CDK5RAP2: variants seen among roughly 807,000 people sequenced by gnomAD.
CDK5RAP2 encodes the protein CDK5 regulatory subunit associated protein 2.
Under a neutral mutation model 232.9 loss-of-function variants are expected in CDK5RAP2, and 147 were observed. That is an observed-to-expected ratio of 0.63 (90% CI 0.55 to 0.72). CDK5RAP2 has a LOEUF of 0.72. Among genes scored for constraint, CDK5RAP2 ranks in the 30% least tolerant of loss-of-function variants. The pLI, the probability that CDK5RAP2 is intolerant of heterozygous loss-of-function variation, is 0.00. For synonymous variants in CDK5RAP2, 833 were observed against 833.7 expected, an observed-to-expected ratio of 1.00 and a Z score of 0.01; for missense variants, 2,195 against 2,231.5, an observed-to-expected ratio of 0.98 and a Z score of 0.33.
intron 25 of CDK5RAP2, among the ~76,000 whole-genome samples, chr9:120,424,145 T>C (rs1443395556): frequency 2.0e-5 from 3 of 152,190 alleles, no homozygotes; most frequent in African/African-American, 7.2e-5. Context: ...AGCAAAGAAG[T>C]GGAAATCCAG....
chr9:120,522,949 TCACA>T (rs1378351635), intron 11 of CDK5RAP2, among the ~76,000 whole-genome samples: 2 of 152,340 alleles, frequency 1.3e-5, no homozygotes, highest in Admixed American at 6.5e-5. Context: ...GTGCATTTAC[TCACA>T]CACAATCAGA....
At chr9:120,439,336 C>T (rs1399195313) in intron 24 of CDK5RAP2, 63 bp downstream of exon 24, 26 of 1,343,638 alleles carry the variant, frequency 1.9e-5, no homozygotes, top group Non-Finnish European at 2.7e-5. Context: ...CATGGGCTCC[C>T]ACCTAGTGGC....
intron 12 of CDK5RAP2, among the ~76,000 whole-genome samples, chr9:120,507,080 A>G (rs2039851156): frequency 6.6e-6 from 1 of 152,200 alleles, no homozygotes; most frequent in African/African-American, 2.4e-5. Flanking sequence ...GTCAGCAGCC[A>G]TTAACATTGA....
intron 5 of CDK5RAP2, among the ~76,000 whole-genome samples, chr9:120,543,361 C>T (rs752671371): frequency 2.0e-5 from 3 of 152,224 alleles, no homozygotes; most frequent in Non-Finnish European, 4.4e-5. Context: ...AAACCCACAA[C>T]TGCTTTCCAT....
intron 35 of CDK5RAP2, among the ~76,000 whole-genome samples, chr9:120,397,294 C>A (rs970993743): frequency 1.3e-5 from 2 of 152,162 alleles, no homozygotes; most frequent in African/African-American, 2.4e-5. Context: ...GCCATACTTA[C>A]CTCTACTACA....
chr9:120,390,703 G>T (rs573390199), intron 36 of CDK5RAP2, among the ~76,000 whole-genome samples: 18 of 152,148 alleles, frequency 1.2e-4, no homozygotes, highest in Admixed American at 3.3e-4. Flanking sequence ...CCCCACGTTG[G>T]AAATACCAAA....
chr9:120,551,776 G>A (rs1251962822), intron 3 of CDK5RAP2, among the ~76,000 whole-genome samples: 2 of 152,244 alleles, frequency 1.3e-5, no homozygotes, highest in East Asian at 3.9e-4. Flanking sequence ...GATACCCGGG[G>A]AAACTTGAAT....
chr9:120,529,090 G>A (rs919255882), intron 8 of CDK5RAP2, among the ~76,000 whole-genome samples: 27 of 152,214 alleles, frequency 1.8e-4, no homozygotes, highest in African/African-American at 6.3e-4. Context: ...GGCGGAAGTG[G>A]GCAAGAGAGT....
At chr9:120,412,546 A>C (rs1369195209) in intron 28 of CDK5RAP2, among the ~76,000 whole-genome samples, 3 of 152,200 alleles carry the variant, frequency 2.0e-5, no homozygotes, top group African/African-American at 7.2e-5. Context: ...GCTGTCTGAG[A>C]GACTGGAATG....
chr9:120,439,559 G>A lies in CDK5RAP2; in HGVS notation c.3562C>T (p.Pro1188Ser), dbSNP rs1055288198. 9.3e-6 allele frequency: 15 copies of A among 1,614,104 alleles called. No individual in the cohort carries two copies. The highest frequency in any genetic ancestry group is 1.7e-5 in the Admixed American group (1 of 60,006). The change falls in exon 24 of 38, where the codon CCG becomes TCG. Residue 1188 changes from proline (P) to serine (S), a missense_variant. Coordinates refer to ENST00000349780, the MANE Select transcript of CDK5RAP2 (RefSeq NM_018249.6). ...CTGTCAATCATCTCTGGGGCCAGCGGACCGAGGATTTTCACGTGTTTCACG... is the reference window on the plus strand; with the variant it reads ...CTGTCAATCATCTCTGGGGCCAGCGAACCGAGGATTTTCACGTGTTTCACG... ...RYVKHVKILG[P>S]LAPEMIDSRV...
chr9:120,549,071 G>C (rs1452670519), intron 4 of CDK5RAP2, among the ~76,000 whole-genome samples: 1 of 151,706 alleles, frequency 6.6e-6, no homozygotes, highest in Non-Finnish European at 1.5e-5. Context: ...GACAGGAATT[G>C]CTTGAACCTG....
chr9:120,497,551 G>A (rs2039368497), intron 12 of CDK5RAP2, among the ~76,000 whole-genome samples: 1 of 149,114 alleles, frequency 6.7e-6, no homozygotes, highest in Non-Finnish European at 1.5e-5. Flanking sequence ...ATTATAAAGG[G>A]AATAAAATAG....
chr9:120,472,971 A>T (rs1212619460), intron 15 of CDK5RAP2, among the ~76,000 whole-genome samples: 1 of 152,244 alleles, frequency 6.6e-6, no homozygotes, highest in Non-Finnish European at 1.5e-5. Flanking sequence ...GTGGCTACTG[A>T]ACTGGACAGT....
At chr9:120,525,469 T>C (rs1319347858) in intron 10 of CDK5RAP2, among the ~76,000 whole-genome samples, 9 of 152,014 alleles carry the variant, frequency 5.9e-5, no homozygotes, top group African/African-American at 1.9e-4. Context: ...AGTGACTTTC[T>C]CCTATACCCC....
Position 120,420,296 on chromosome 9 carries a change from T to G in CDK5RAP2, c.4005-336A>C, listed in dbSNP as rs569828869. 1.1e-4 allele frequency among the ~76,000 whole-genome samples: 17 copies of G among 152,284 alleles called. No homozygotes were observed. The South Asian group carries it at 3.5e-3, about 32-fold the overall frequency. ...AAGCATTTGAGATTTTAGTTGGGCC[T>G]CACAGAAACCCTTTGAGGTAGGGAT... On this transcript the variant is annotated intron_variant, in intron 26 of 37. Coordinates refer to ENST00000349780, the MANE Select transcript of CDK5RAP2 (RefSeq NM_018249.6).
rs1435135293 is a variant in CDK5RAP2 at position 120,455,510 on chromosome 9, G to A, written c.2376-1637C>T. On this transcript the variant is annotated intron_variant, in intron 20 of 37. Transcript: ENST00000349780. ...AATCCTAGCACTTTGGGAGGCCAGGGCAGGCAGATAGTTTGAGCTCACAAA... is the reference window on the plus strand; with the variant it reads ...AATCCTAGCACTTTGGGAGGCCAGGACAGGCAGATAGTTTGAGCTCACAAA... 3.3e-5 allele frequency among the ~76,000 whole-genome samples: 5 copies of A among 152,082 alleles called. No homozygotes were observed. In the South Asian group the frequency reaches 6.2e-4, roughly 19 times the overall value.
rs181968824 is a variant in CDK5RAP2, at chr9:120,422,229, G to A, written c.4004+464C>T. Among the ~76,000 whole-genome samples the A allele has an allele frequency of 5.3e-5, 8 of 152,320 alleles. No individual in the cohort carries two copies. The East Asian group carries it at 5.8e-4, about 11-fold the overall frequency. ...GAATGGACTCTGAAGAATGATTTTC[G>A]AACTTCAAGAGGAGGAAGGCAGAGT... On this transcript the variant is annotated intron_variant, in intron 26 of 37. Coordinates refer to ENST00000349780, the MANE Select transcript of CDK5RAP2 (RefSeq NM_018249.6).
At chr9:120,434,306 T>C (rs1020773006) in intron 25 of CDK5RAP2, among the ~76,000 whole-genome samples, 1 of 151,706 alleles carries the variant, frequency 6.6e-6, no homozygotes, top group Admixed American at 6.6e-5. Flanking sequence ...CTAGAAAAAC[T>C]GCAGGGTCAG....
At chr9:120,574,825 T>C (rs1326962600) in intron 1 of CDK5RAP2, among the ~76,000 whole-genome samples, 2 of 149,600 alleles carry the variant, frequency 1.3e-5, no homozygotes, top group Non-Finnish European at 3.0e-5. Context: ...TGTTGCCTTT[T>C]TTTTTTTTTT....
Sources: gnomAD v4.1 joint callset for allele counts (sites outside exome capture counted in the v4.1 genomes callset) on GRCh38, gnomAD v4.1.1 for gene constraint, MANE v1.5 for transcripts, NCBI Gene and HGNC (gene_info 2026-07-23, HGNC 2026-07-21) for gene names.